Variants in BAIAP2 observed in about 807,000 individuals in gnomAD.
BAIAP2 encodes the protein BAR/IMD domain containing adaptor protein 2.
A neutral mutation model predicts 63.0 loss-of-function variants in BAIAP2; 18 were observed. The ratio of observed to expected loss-of-function variants is 0.29; its 90% CI spans 0.20 to 0.42. The LOEUF (loss-of-function observed/expected upper bound fraction) is 0.42. Ranked by LOEUF, BAIAP2 falls within the 10% of genes least tolerant of loss-of-function variation. BAIAP2 has a pLI of 1.00. For missense variants in BAIAP2, 610 were observed against 734.3 expected (o/e 0.83, Z 1.96); for synonymous variants, 386 against 307.6 (o/e 1.25, Z -2.67).
At chr17:81,097,147 C>T (rs2057764151) in intron 6 of BAIAP2, among the ~76,000 whole-genome samples, 1 of 152,222 alleles carries the variant, frequency 6.6e-6, no homozygotes, top group Non-Finnish European at 1.5e-5. Context: ...GACCCTGTGG[C>T]CAGGCCCTAC....
At chr17:81,115,542 C>T (rs2060453749) in intron 13 of BAIAP2, among the ~76,000 whole-genome samples, 1 of 152,130 alleles carries the variant, frequency 6.6e-6, no homozygotes, top group Non-Finnish European at 1.5e-5. Flanking sequence ...TGGGGGCACC[C>T]TGCCTTGTCT....
intron 7 of BAIAP2, among the ~76,000 whole-genome samples, chr17:81,102,468 C>T (rs1325063788): frequency 6.6e-6 from 1 of 152,266 alleles, no homozygotes; most frequent in South Asian, 2.1e-4. Flanking sequence ...GTGGGCCGTG[C>T]CGTCTCCAGC....
intron 3 of BAIAP2, among the ~76,000 whole-genome samples, chr17:81,061,973 C>T (rs1429249791): frequency 6.6e-6 from 1 of 152,168 alleles, no homozygotes; most frequent in Non-Finnish European, 1.5e-5. Context: ...GACCGAATCT[C>T]ACTCTGTCAC....
At chr17:81,097,515 G>A (rs979888886) in intron 6 of BAIAP2, 2 of 152,340 alleles carry the variant, frequency 1.3e-5, no homozygotes, top group Non-Finnish European at 2.9e-5. Flanking sequence ...CGCTGAGTCA[G>A]AGCTGTAGGC....
At chr17:81,108,962 T>A (rs1401710119) in intron 13 of BAIAP2, 1 of 1,548,142 alleles carries the variant, frequency 6.5e-7, no homozygotes, top group African/African-American at 1.4e-5. Flanking sequence ...GTGCTTTGTT[T>A]CACAGTGGCA....
chr17:81,048,587 C>T (rs1568071054), intron 1 of BAIAP2, among the ~76,000 whole-genome samples: 1 of 151,858 alleles, frequency 6.6e-6, no homozygotes, highest in Admixed American at 6.5e-5. Context: ...ATCATAATGG[C>T]CATCAGTCTC....
At chr17:81,082,069 C>T (rs1380617575) in intron 3 of BAIAP2, among the ~76,000 whole-genome samples, 2 of 152,024 alleles carry the variant, frequency 1.3e-5, no homozygotes, top group South Asian at 4.1e-4. Context: ...CCTCCTGGCC[C>T]CGGGGCCAGC....
chr17:81,046,025 G>C lies in BAIAP2; in HGVS notation c.55-7643G>C, dbSNP rs1414482133. On this transcript the variant is annotated intron_variant, in intron 1 of 13. Coordinates refer to ENST00000428708, the MANE Select transcript of BAIAP2 (RefSeq NM_001144888.2). The surrounding 1 kb of genome is among the most constrained non-coding windows in gnomAD (Gnocchi z 4.5). ...CATGGTGGGGGCCCCTGGCACGGCAGAGGGGTTTGGCCACCCAGTTTTCTT... is the reference window on the plus strand; with the variant it reads ...CATGGTGGGGGCCCCTGGCACGGCACAGGGGTTTGGCCACCCAGTTTTCTT... 6.6e-6 allele frequency among the ~76,000 whole-genome samples: 1 copy of C among 152,174 alleles called. No homozygotes were observed. Among genetic ancestry groups the C allele is most frequent in the Non-Finnish European group, 1.5e-5 (1 of 68,014 alleles).
At chr17:81,050,917 C>G (rs1259560326) in intron 1 of BAIAP2, among the ~76,000 whole-genome samples, 1 of 151,816 alleles carries the variant, frequency 6.6e-6, no homozygotes, top group Non-Finnish European at 1.5e-5. Context: ...CATTTCCCGA[C>G]CGCCTTCACC....
At chr17:81,078,011 G>T (rs1321247592) in intron 3 of BAIAP2, among the ~76,000 whole-genome samples, 1 of 143,722 alleles carries the variant, frequency 7.0e-6, no homozygotes, top group Non-Finnish European at 1.5e-5. Context: ...GGGTGCTGTG[G>T]GCACAGGTGC....
At chr17:81,110,927 G>T (rs773933320) in intron 13 of BAIAP2, 1 of 1,613,920 alleles carries the variant, frequency 6.2e-7, no homozygotes, top group East Asian at 2.2e-5. Flanking sequence ...CGATGTGGAA[G>T]TGGCCAGATT....
intron 13 of BAIAP2, chr17:81,110,853 C>T: frequency 1.2e-6 from 2 of 1,607,694 alleles, no homozygotes; most frequent in Admixed American, 1.7e-5. Context: ...CCCCCCTCCT[C>T]TGCACCCCCG....
At position 81,093,155 on chromosome 17, in the gene BAIAP2, G is replaced by A. The variant is rs150943276; in HGVS notation, c.489+6575G>A. ...TGTGGGCACGAGGACCTGAGTGTGA[G>A]GAGGGAGCCCCGGCCCGCTGGATGC... On this transcript the variant is annotated intron_variant, in intron 6 of 13. Coordinates refer to ENST00000428708, the MANE Select transcript of BAIAP2 (RefSeq NM_001144888.2). Among the ~76,000 whole-genome samples the A allele has an allele frequency of 7.8e-3, 1,186 of 151,970 alleles. 8 individuals are homozygous for A. Among genetic ancestry groups the A allele is most frequent in the Non-Finnish European group, 0.012 (841 of 67,920 alleles).
chr17:81,044,955 G>A (rs575265438), intron 1 of BAIAP2, among the ~76,000 whole-genome samples: 29 of 152,220 alleles, frequency 1.9e-4, no homozygotes, highest in East Asian at 1.3e-3. Flanking sequence ...CAGGGTGGCT[G>A]GACATTGGAA....
chr17:81,103,406 C>T, intron 7 of BAIAP2, 96 bp from the exon 8 acceptor site: 2 of 1,173,566 alleles, frequency 1.7e-6, no homozygotes, highest in East Asian at 5.1e-5. Flanking sequence ...CAGCCTCCAG[C>T]CCCAGAGAGT....
intron 1 of BAIAP2, among the ~76,000 whole-genome samples, chr17:81,042,544 C>T (rs1307970050): frequency 6.6e-6 from 1 of 151,972 alleles, no homozygotes; most frequent in Non-Finnish European, 1.5e-5. Flanking sequence ...ACTGAGCTGT[C>T]CAGGCGTGCC....
chr17:81,036,632 C>A (rs2046304882), intron 1 of BAIAP2, among the ~76,000 whole-genome samples: 2 of 152,158 alleles, frequency 1.3e-5, no homozygotes, highest in African/African-American at 2.4e-5. Flanking sequence ...GGTGTGCGGT[C>A]GACTAGATGA....
chr17:81,069,840 A>G (rs371693165), intron 3 of BAIAP2, among the ~76,000 whole-genome samples: 8 of 152,292 alleles, frequency 5.3e-5, no homozygotes, highest in Middle Eastern at 6.8e-3. Context: ...GCACCTTGGG[A>G]GGATGCTGTG....
intron 3 of BAIAP2, among the ~76,000 whole-genome samples, chr17:81,077,300 C>G (rs2053823329): frequency 2.0e-5 from 3 of 152,180 alleles, no homozygotes; most frequent in African/African-American, 7.2e-5. Flanking sequence ...GGCATGGCAG[C>G]TCACGCCTGT....
Sources: gnomAD v4.1 joint callset for allele counts (sites outside exome capture counted in the v4.1 genomes callset) on GRCh38, gnomAD v4.1.1 for gene constraint, Gnocchi (gnomAD v3.1) non-coding constraint, MANE v1.5 for transcripts, NCBI Gene and HGNC (gene_info 2026-07-23, HGNC 2026-07-21) for gene names.